The following MRPL45 variants were observed in gnomAD, a reference collection of about 807,000 sequenced individuals.
MRPL45 encodes mitochondrial ribosomal protein L45, also known as large ribosomal subunit protein mL45.
In MRPL45, 20 loss-of-function variants were observed where a neutral mutation model predicts 38.1. The observed-to-expected ratio is 0.53, with a 90% CI of 0.37 to 0.76. The LOEUF (loss-of-function observed/expected upper bound fraction) is 0.76, where lower values mean the gene tolerates loss of function less well. Among genes scored for constraint, MRPL45 ranks in the 30% least tolerant of loss-of-function variants. MRPL45 has a pLI of 0.00. For missense variants in MRPL45, 337 were observed against 395.6 expected (o/e 0.85, Z 1.26); for synonymous variants, 105 against 128.8 (o/e 0.82, Z 1.25).
At chr17:38,297,302 T>A (rs2036946342) in intron 1 of MRPL45, 53 bp downstream of exon 1, 1 of 1,507,960 alleles carries the variant, frequency 6.6e-7, no homozygotes. Flanking sequence ...GAGGACAGAG[T>A]CGAGGGAAAT....
At chr17:38,297,340 C>G (rs2036946939) in intron 1 of MRPL45, 91 bp downstream of exon 1, 8 of 1,278,902 alleles carry the variant, frequency 6.3e-6, no homozygotes, top group Non-Finnish European at 9.1e-6. Flanking sequence ...CCTTGGTGAG[C>G]TGGGACAATA....
chr17:38,310,554 C>G (rs1323694353), intron 4 of MRPL45, among the ~76,000 whole-genome samples: 2 of 152,130 alleles, frequency 1.3e-5, no homozygotes, highest in Non-Finnish European at 2.9e-5. Flanking sequence ...GTCTCGAACT[C>G]CTGACTTCAG....
At chr17:38,310,472 G>A (rs1162735380) in intron 4 of MRPL45, among the ~76,000 whole-genome samples, 1 of 151,860 alleles carries the variant, frequency 6.6e-6, no homozygotes, top group African/African-American at 2.4e-5. Context: ...GAGACTACAG[G>A]TGCACACCAT....
intron 4 of MRPL45, among the ~76,000 whole-genome samples, chr17:38,313,725 C>T (rs548983917): frequency 1.4e-3 from 212 of 151,182 alleles, no homozygotes; most frequent in African/African-American, 4.7e-3. Flanking sequence ...TGCAGTGGCA[C>T]GATCTCGGCT....
At chr17:38,303,190 T>A (rs1188494912) in intron 3 of MRPL45, among the ~76,000 whole-genome samples, 2 of 152,094 alleles carry the variant, frequency 1.3e-5, no homozygotes, top group Non-Finnish European at 2.9e-5. Context: ...CTTTCCTGCA[T>A]AATATATTTT....
At chr17:38,308,242 T>C (rs2037073788) in intron 4 of MRPL45, among the ~76,000 whole-genome samples, 2 of 151,700 alleles carry the variant, frequency 1.3e-5, no homozygotes, top group South Asian at 4.2e-4. Flanking sequence ...TGCCTTAGCC[T>C]CCCAAGTAAC....
At chr17:38,316,032 C>T (rs900316680) in intron 4 of MRPL45, among the ~76,000 whole-genome samples, 2 of 152,136 alleles carry the variant, frequency 1.3e-5, no homozygotes, top group African/African-American at 2.4e-5. Context: ...ACCTTGGCCT[C>T]CCAAAGTGCT....
intron 4 of MRPL45, among the ~76,000 whole-genome samples, chr17:38,312,467 G>T (rs543489014): frequency 2.6e-5 from 4 of 152,196 alleles, no homozygotes; most frequent in African/African-American, 9.6e-5. Flanking sequence ...GTGGCATAAT[G>T]CTCCTGTGAT....
intron 3 of MRPL45, among the ~76,000 whole-genome samples, chr17:38,302,510 G>GTTTT (rs1297657775): frequency 9.9e-6 from 1 of 101,276 alleles, no homozygotes; most frequent in African/African-American, 4.3e-5. Flanking sequence ...AAAAAAGTTT[G>GTTTT]TTTTTTTTTT....
chr17:38,302,445 C>T (rs930435047), intron 3 of MRPL45, among the ~76,000 whole-genome samples: 2 of 139,668 alleles, frequency 1.4e-5, no homozygotes, highest in African/African-American at 5.3e-5. Flanking sequence ...CCAGATTGCA[C>T]CACTGCATTC....
In MRPL45 at chr17:38,322,158, G is replaced by T; in HGVS notation, c.693G>T (p.Leu231Phe). Residue 231 changes from leucine to phenylalanine, a missense_variant, in exon 7 of 8, where the codon TTG (leucine) becomes TTT (phenylalanine). Leu to Phe is a conservative substitution (Grantham distance 22, BLOSUM62 0). Transcript: ENST00000613675. ...TLAIYDRFGR[L>F]MYGQEDVPKD... Reference sequence around the variant, plus strand: ...CCATCTATGACCGGTTTGGCCGGTTGATGTATGGACAGGAAGATGTACCCA... The same window carrying T: ...CCATCTATGACCGGTTTGGCCGGTTTATGTATGGACAGGAAGATGTACCCA... 6.2e-7 allele frequency: 1 copy of T among 1,614,162 alleles called. No individual in the cohort carries two copies. The highest frequency in any genetic ancestry group is 1.1e-5 in the South Asian group (1 of 91,082).
intron 4 of MRPL45, among the ~76,000 whole-genome samples, chr17:38,312,925 G>A (rs1038644688): frequency 6.7e-6 from 1 of 149,018 alleles, no homozygotes; most frequent in Non-Finnish European, 1.5e-5. Flanking sequence ...TATGACCAAT[G>A]CACAAGGATT....
intron 3 of MRPL45, among the ~76,000 whole-genome samples, chr17:38,301,114 C>A (rs139210698): frequency 0.014 from 2,065 of 152,254 alleles, 25 homozygotes; most frequent in Non-Finnish European, 0.022. Flanking sequence ...TGTCCTTATT[C>A]CATTTTTCTC....
At chr17:38,318,630 T>C in intron 4 of MRPL45, 57 bp from the exon 5 acceptor site, 1 of 1,278,396 alleles carries the variant, frequency 7.8e-7, no homozygotes, top group East Asian at 2.3e-5. Flanking sequence ...ATTTTCAGTC[T>C]TCATACAGGG....
At chr17:38,308,714 A>G (rs1201085061) in intron 4 of MRPL45, among the ~76,000 whole-genome samples, 2 of 152,070 alleles carry the variant, frequency 1.3e-5, no homozygotes, top group Non-Finnish European at 2.9e-5. Context: ...TGCTGGGATT[A>G]CAGGCGTGAG....
intron 4 of MRPL45, among the ~76,000 whole-genome samples, chr17:38,312,118 G>C (rs2037118554): frequency 6.7e-6 from 1 of 149,712 alleles, no homozygotes. Context: ...TCGATCTCCA[G>C]TCACTGCAAC....
At chr17:38,304,916 A>T (rs1481359348) in intron 3 of MRPL45, among the ~76,000 whole-genome samples, 1 of 146,866 alleles carries the variant, frequency 6.8e-6, no homozygotes, top group African/African-American at 2.5e-5. Flanking sequence ...GCAGGATCTC[A>T]GCTCACTGCA....
intron 3 of MRPL45, among the ~76,000 whole-genome samples, chr17:38,305,573 G>T (rs1368469140): frequency 6.8e-6 from 1 of 147,148 alleles, no homozygotes; most frequent in Admixed American, 6.8e-5. Flanking sequence ...CACTACCTCT[G>T]CCTCCTAAGT....
chr17:38,308,671 C>T (rs911758830), intron 4 of MRPL45, among the ~76,000 whole-genome samples: 2 of 152,096 alleles, frequency 1.3e-5, no homozygotes, highest in East Asian at 1.9e-4. Context: ...AACTCCTGAC[C>T]TCAAGTGATC....
Sources: gnomAD v4.1 joint callset for allele counts (sites outside exome capture counted in the v4.1 genomes callset) on GRCh38, gnomAD v4.1.1 for gene constraint, MANE v1.5 for transcripts, NCBI Gene and HGNC (gene_info 2026-07-23, HGNC 2026-07-21) for gene names.